The following DMTF1 variants were observed in gnomAD, a reference collection of about 807,000 sequenced individuals.
The protein encoded by DMTF1 is cyclin-D-binding Myb-like transcription factor 1.
A neutral mutation model predicts 91.1 loss-of-function variants in DMTF1; 39 were observed. The observed-to-expected ratio is 0.43, with a 90% CI of 0.33 to 0.56. The LOEUF (loss-of-function observed/expected upper bound fraction) is 0.56. Among genes scored for constraint, DMTF1 ranks in the 20% least tolerant of loss-of-function variants. The pLI is 0.05. For synonymous variants in DMTF1, 338 were observed against 309.5 expected (o/e 1.09, Z -0.97); for missense variants, 750 against 914.5 (o/e 0.82, Z 2.32).
At position 87,170,120 on chromosome 7, in the gene DMTF1, T is replaced by C. The variant is rs1353034783; in HGVS notation, c.233-875T>C. ...GTGTATTCTTCCAGTAGTTTTGATT[T>C]TTTTTAAAAAAATTTAACGTTATCC... On this transcript the variant is annotated intron_variant, in intron 4 of 17. Coordinates refer to ENST00000331242, the MANE Select transcript of DMTF1 (RefSeq NM_001142327.2). 2.0e-5 allele frequency among the ~76,000 whole-genome samples: 3 copies of C among 152,322 alleles called. No individual in the cohort carries two copies. In the East Asian group the frequency reaches 5.8e-4, roughly 29 times the overall value.
Position 87,193,783 on chromosome 7 carries a change from T to G in DMTF1, c.1709T>G (p.Val570Gly). 6.2e-7 allele frequency: 1 copy of G among 1,612,550 alleles called. No individual in the cohort carries two copies. Among genetic ancestry groups the G allele is most frequent in the Non-Finnish European group, 8.5e-7 (1 of 1,179,278 alleles). Residue 570 changes from valine to glycine, a missense_variant, in exon 16 of 18, where the codon GTC (valine) becomes GGC (glycine). This residue lies in a region of DMTF1 where 410 missense variants were observed against 420.2 expected (regional missense o/e 0.98). Transcript: ENST00000331242. Reference protein sequence around the residue: ...NVTVQCHTPRVIIQTVATEDI... With the variant: ...NVTVQCHTPRGIIQTVATEDI... ...ACAGTGCAGTGTCACACACCAAGAG[T>G]CATCATTCAGACTGTTGCCACAGAG...
At chr7:87,179,524 A>T in intron 7 of DMTF1, 21 bp from the exon 8 acceptor site, 1 of 1,485,786 alleles carries the variant, frequency 6.7e-7, no homozygotes, top group East Asian at 2.5e-5. Context: ...TCCCTAAATC[A>T]AAGAAATGTA....
Position 87,193,963 on chromosome 7 carries a change from C to G in DMTF1, c.1889C>G (p.Ala630Gly). The G allele has an allele frequency of 6.2e-7, 1 of 1,613,338 alleles. No individual in the cohort carries two copies. The highest frequency in any genetic ancestry group is 8.5e-7 in the Non-Finnish European group (1 of 1,179,596). ...KMTVEPSFND[A>G]HVSKFSDQNS... is the part of the protein sequence containing the mutation. ...ACTGTGGAGCCATCATTTAATGATG[C>G]TCATGTATCCAAATTCAGTGACCAA... is the stretch of plus-strand genomic sequence containing the variant. Residue 630 changes from alanine to glycine, a missense_variant, in exon 16 of 18, where the codon GCT (alanine) becomes GGT (glycine). Physicochemically the swap from Ala to Gly is moderately conservative, Grantham distance 60. Coordinates refer to ENST00000331242, the MANE Select transcript of DMTF1 (RefSeq NM_001142327.2).
At chr7:87,192,911 A>T (rs2129196399) in intron 14 of DMTF1, 1 of 271,940 alleles carries the variant, frequency 3.7e-6, no homozygotes, top group Non-Finnish European at 7.0e-6. Flanking sequence ...AAGAGGGGTG[A>T]TTGGGTGTTG....
In DMTF1 at chr7:87,194,685, G is replaced by C. The variant is rs781666882; in HGVS notation, c.2030G>C (p.Gly677Ala). 2.5e-6 allele frequency: 4 copies of C among 1,602,900 alleles called. No individual in the cohort carries two copies. The South Asian group carries it at 4.4e-5, about 18-fold the overall frequency. Reference sequence around the variant, plus strand: ...TATTTTTTTTTTAATGTTATTTAGGGTTTAGAGTCTCCCACTATAGAAGAA... The same window carrying C: ...TATTTTTTTTTTAATGTTATTTAGGCTTTAGAGTCTCCCACTATAGAAGAA... ...SDLASAYVTE[G>A]LESPTIEEQV... Residue 677 changes from glycine (G) to alanine (A), a missense_variant and splice_region_variant, in exon 17 of 18, where the codon GGT (glycine) becomes GCT (alanine). By Grantham distance (60) the Gly-to-Ala change is moderately conservative. Transcript: ENST00000331242.
chr7:87,184,698 T>C, intron 11 of DMTF1, 73 bp downstream of exon 11: 1 of 1,319,402 alleles, frequency 7.6e-7, no homozygotes, highest in Non-Finnish European at 1.1e-6. Context: ...TTTCCTCTTT[T>C]GGTTTTCCTG....
At chr7:87,159,962 G>A (rs1245550457) in intron 1 of DMTF1, among the ~76,000 whole-genome samples, 1 of 152,010 alleles carries the variant, frequency 6.6e-6, no homozygotes, top group African/African-American at 2.4e-5. Context: ...TCTTTATTTT[G>A]CTCCAAAAAG....
Position 87,194,926 on chromosome 7 carries a change from C to T in DMTF1, c.2173+98C>T, listed in dbSNP as rs139943503. The stretch of plus-strand genomic sequence containing the variant: ...TTTCAGTCTTTCTTGATCCAATAAG[C>T]TACTAGTCCTGTTGAGTTCTACACT... On this transcript the variant is annotated intron_variant, in intron 17 of 17. Coordinates refer to ENST00000331242, the MANE Select transcript of DMTF1 (RefSeq NM_001142327.2). 2.5e-4 allele frequency: 353 copies of T among 1,436,362 alleles called. 1 individual carries two copies. The African/African-American group carries it at 4.5e-3, about 18-fold the overall frequency. The allele number at this position is 1,436,362 out of a possible 1,614,324, so 89.0% of individuals were successfully genotyped here.
intron 7 of DMTF1, 117 bp from the exon 8 acceptor site, chr7:87,179,428 T>C (rs1391086825): frequency 1.5e-5 from 11 of 747,602 alleles, no homozygotes; most frequent in Admixed American, 1.3e-4. Flanking sequence ...ATTAGTGATA[T>C]ATTATTTTTC....
intron 7 of DMTF1, among the ~76,000 whole-genome samples, chr7:87,176,724 T>C (rs1279036120): frequency 2.0e-5 from 3 of 152,150 alleles, no homozygotes; most frequent in African/African-American, 7.2e-5. Context: ...TTGGCAGAAA[T>C]AGGAAATGTC....
intron 1 of DMTF1, among the ~76,000 whole-genome samples, chr7:87,158,921 A>G (rs886896003): frequency 2.0e-5 from 3 of 152,120 alleles, no homozygotes; most frequent in Non-Finnish European, 1.5e-5. Context: ...TTCAATCAAT[A>G]CAAAAATGAT....
At chr7:87,191,840 A>G (rs1021469580) in intron 14 of DMTF1, among the ~76,000 whole-genome samples, 1 of 152,160 alleles carries the variant, frequency 6.6e-6, no homozygotes. Context: ...TATAATTCAT[A>G]TTTCCTTAAG....
Position 87,195,184 on chromosome 7 carries a change from G to GTTAA in DMTF1, c.*48_*51dup, listed in dbSNP as rs1012729858. ...GCAGTTCAAGCAAAGAAGGCACACT[G>GTTAA]TTAATTACAACCTCTTCAAAGAAAT... On this transcript the variant is annotated 3_prime_UTR_variant, in exon 18 of 18. Transcript: ENST00000331242. The GTTAA allele has an allele frequency of 3.6e-6, 5 of 1,369,994 alleles. No homozygotes were observed. The African/African-American group carries it at 7.2e-5, about 20-fold the overall frequency. The allele number at this position is 1,369,994 out of a possible 1,614,324, so 84.9% of individuals were successfully genotyped here. A position where few individuals can be genotyped will look rare whatever the true frequency, so the allele number is the denominator to read the frequency against.
intron 1 of DMTF1, among the ~76,000 whole-genome samples, chr7:87,162,076 T>C (rs1219479421): frequency 6.6e-6 from 1 of 152,212 alleles, no homozygotes; most frequent in Non-Finnish European, 1.5e-5. Flanking sequence ...AATAATGTCA[T>C]GCTTTTTATT....
rs566850973 is a variant in DMTF1 at position 87,189,506 on chromosome 7, C to T, written c.1411+1205C>T. Among the ~76,000 whole-genome samples, 12 of 152,160 alleles carry T rather than the reference C, an allele frequency of 7.9e-5. No individual in the cohort carries two copies. In the East Asian group the frequency reaches 2.1e-3, roughly 27 times the overall value. On this transcript the variant is annotated intron_variant, in intron 13 of 17. Transcript: ENST00000331242. Reference sequence around the variant, plus strand: ...TCTTGGCTATTGAGTTGACAGTACCCATTGGGAAGACAAACATTTTATAAA... The same window carrying T: ...TCTTGGCTATTGAGTTGACAGTACCTATTGGGAAGACAAACATTTTATAAA...
intron 1 of DMTF1, among the ~76,000 whole-genome samples, chr7:87,155,745 C>T (rs1392827897): frequency 6.7e-6 from 1 of 149,370 alleles, no homozygotes; most frequent in African/African-American, 2.5e-5. Context: ...CACCCCACCC[C>T]CGCCCCACCC....
intron 1 of DMTF1, chr7:87,152,874 C>A (rs1284952787): frequency 2.6e-5 from 4 of 154,612 alleles, no homozygotes; most frequent in Middle Eastern, 5.2e-4. Context: ...AGCTAAATGG[C>A]GCCGGGACCC....
At chr7:87,175,414 ATTTC>A (rs1490036425) in intron 7 of DMTF1, among the ~76,000 whole-genome samples, 4 of 152,070 alleles carry the variant, frequency 2.6e-5, no homozygotes, top group Non-Finnish European at 5.9e-5. Context: ...ATTCAGGTTT[ATTTC>A]TTATTAGCTT....
intron 1 of DMTF1, chr7:87,154,501 T>C (rs1790164196): frequency 1.3e-5 from 2 of 152,686 alleles, no homozygotes; most frequent in Non-Finnish European, 2.9e-5. Context: ...CAAAATGCTA[T>C]TGCCCTGTCT....
Sources: gnomAD v4.1 joint callset for allele counts (sites outside exome capture counted in the v4.1 genomes callset) on GRCh38, gnomAD v4.1.1 for gene constraint, gnomAD v4.1.1 regional missense constraint, MANE v1.5 for transcripts, NCBI Gene and HGNC (gene_info 2026-07-23, HGNC 2026-07-21) for gene names.